DNM3: variants seen among roughly 807,000 people sequenced by gnomAD.
The protein encoded by DNM3 is dynamin-3.
DNM3 carries 47 observed loss-of-function variants against 101.6 expected under a neutral mutation model. The ratio of observed to expected loss-of-function variants is 0.46; its 90% confidence interval spans 0.37 to 0.59. The LOEUF is 0.59. Ranked by LOEUF, DNM3 falls within the 20% of genes least tolerant of loss-of-function variation. DNM3 has a pLI of 0.00. For synonymous variants in DNM3, 385 were observed against 387.9 expected, an observed-to-expected ratio of 0.99 and a Z score of 0.09; for missense variants, 849 against 1,085.7, an observed-to-expected ratio of 0.78 and a Z score of 3.06.
intron 13 of DNM3, among the ~76,000 whole-genome samples, chr1:172,096,689 A>T (rs551507839): frequency 1.3e-5 from 2 of 152,290 alleles, no homozygotes; most frequent in South Asian, 2.1e-4. Context: ...TCACCGTGGG[A>T]GTTTGAAGTA....
chr1:172,174,723 G>A (rs1389630925), intron 14 of DNM3, among the ~76,000 whole-genome samples: 3 of 151,644 alleles, frequency 2.0e-5, no homozygotes. Context: ...CCTATGAATG[G>A]TATGTAGACT....
intron 9 of DNM3, among the ~76,000 whole-genome samples, chr1:172,047,452 T>C (rs1188294946): frequency 6.6e-6 from 1 of 151,960 alleles, no homozygotes; most frequent in Non-Finnish European, 1.5e-5. Flanking sequence ...CAGGGTAAAA[T>C]GAACATCATA....
At chr1:172,259,546 G>A (rs1473847487) in intron 15 of DNM3, among the ~76,000 whole-genome samples, 1 of 151,984 alleles carries the variant, frequency 6.6e-6, no homozygotes, top group East Asian at 1.9e-4. Context: ...TGTTTTATCT[G>A]TTGTAAGTAT....
intron 1 of DNM3, among the ~76,000 whole-genome samples, chr1:171,895,890 T>C (rs1276211694): frequency 6.6e-6 from 1 of 152,234 alleles, no homozygotes; most frequent in African/African-American, 2.4e-5. Flanking sequence ...ATTTATTAAA[T>C]AGGGAATCCT....
chr1:172,207,366 G>T (rs949511050), intron 14 of DNM3, among the ~76,000 whole-genome samples: 2 of 152,076 alleles, frequency 1.3e-5, no homozygotes, highest in South Asian at 4.1e-4. Context: ...GTCATTTTAG[G>T]TAACTCCACC....
intron 1 of DNM3, among the ~76,000 whole-genome samples, chr1:171,861,372 C>G (rs990450579): frequency 1.3e-5 from 2 of 152,112 alleles, no homozygotes. Flanking sequence ...CAGTGTAATA[C>G]TGGTGTAAAT....
At chr1:172,247,659 A>ACTTATTTATTTC (rs55871147) in intron 14 of DNM3, among the ~76,000 whole-genome samples, 2 of 118,016 alleles carry the variant, frequency 1.7e-5, no homozygotes, top group Non-Finnish European at 3.7e-5. Flanking sequence ...ATTATTTCTT[A>ACTTATTTATTTC]TTTATTTATT....
chr1:172,350,202 C>A (rs544568077), intron 17 of DNM3, among the ~76,000 whole-genome samples: 1 of 152,204 alleles, frequency 6.6e-6, no homozygotes, highest in South Asian at 2.1e-4. Context: ...ATGAAAGTCA[C>A]CTTCTGGGTG....
chr1:172,283,780 A>AAAAGAAAAAAAAAAAAAG (rs2063588675), intron 15 of DNM3, among the ~76,000 whole-genome samples: 1 of 119,090 alleles, frequency 8.4e-6, no homozygotes, highest in African/African-American at 3.4e-5. Flanking sequence ...AAAAAAAAAA[A>AAAAGAAAAAAAAAAAAAG]AAAGAAAGAA....
intron 14 of DNM3, among the ~76,000 whole-genome samples, chr1:172,175,552 C>T (rs2209097): frequency 0.2 from 30,179 of 151,498 alleles, 4,415 homozygotes; most frequent in African/African-American, 0.41. Context: ...TGTTAGAAAT[C>T]CCATATTCTT....
intron 16 of DNM3, among the ~76,000 whole-genome samples, chr1:172,320,605 T>A (rs12075643): frequency 0.011 from 1,634 of 152,258 alleles, 29 homozygotes; most frequent in African/African-American, 0.036. Flanking sequence ...TTAAAATCAT[T>A]GTGTCCATGA....
intron 14 of DNM3, chr1:172,132,825 TA>T: frequency 1.4e-6 from 1 of 729,772 alleles, no homozygotes; most frequent in Non-Finnish European, 2.5e-6. Flanking sequence ...ATGAGAAAAC[TA>T]AAAATAAAAC....
intron 14 of DNM3, among the ~76,000 whole-genome samples, chr1:172,200,667 A>G (rs1030305686): frequency 6.6e-6 from 1 of 151,852 alleles, no homozygotes; most frequent in African/African-American, 2.4e-5. Context: ...TCAAGTTCTG[A>G]GATACTTTTC....
rs140003498 is a variant in DNM3 at position 171,920,508 on chromosome 1, G to A, written c.162-1240G>A. On this transcript the variant is annotated intron_variant, in intron 1 of 20. Transcript: ENST00000627582. ...TCTGTAGCTTCAGGATGAGTCCTGG[G>A]TGTCTGTGGTTATAATACTTTCTGA... is the stretch of plus-strand genomic sequence containing the variant. 3.4e-3 allele frequency among the ~76,000 whole-genome samples: 516 copies of A among 152,244 alleles called. 4 individuals are homozygous for A. Among genetic ancestry groups the A allele is most frequent in the African/African-American group, 0.012 (492 of 41,538 alleles).
intron 4 of DNM3, among the ~76,000 whole-genome samples, chr1:172,001,213 G>A (rs1042203556): frequency 8.6e-5 from 13 of 152,046 alleles, no homozygotes; most frequent in African/African-American, 3.1e-4. Flanking sequence ...TGATCGTATT[G>A]AGTTTATTTA....
intron 1 of DNM3, among the ~76,000 whole-genome samples, chr1:171,895,818 A>T (rs546810827): frequency 0.021 from 3,123 of 152,068 alleles, 79 homozygotes; most frequent in African/African-American, 0.071. Context: ...TTTTTGTATA[A>T]GATGTAAGGA....
chr1:172,170,186 T>C (rs1342726875), intron 14 of DNM3, among the ~76,000 whole-genome samples: 2 of 151,892 alleles, frequency 1.3e-5, no homozygotes, highest in Non-Finnish European at 2.9e-5. Flanking sequence ...TTCATATACA[T>C]TGAACTTTAA....
chr1:172,256,585 T>A (rs2062407824), intron 15 of DNM3, among the ~76,000 whole-genome samples: 1 of 152,048 alleles, frequency 6.6e-6, no homozygotes, highest in Admixed American at 6.6e-5. Flanking sequence ...TTTTTTATGA[T>A]CACTCTTGCT....
intron 10 of DNM3, among the ~76,000 whole-genome samples, chr1:172,058,553 C>T (rs1409066966): frequency 6.6e-6 from 1 of 152,022 alleles, no homozygotes; most frequent in Admixed American, 6.6e-5. Context: ...ACTGAAAACC[C>T]CTCAACTACA....
Sources: gnomAD v4.1 joint callset for allele counts (sites outside exome capture counted in the v4.1 genomes callset) on GRCh38, gnomAD v4.1.1 for gene constraint, MANE v1.5 for transcripts, NCBI Gene and HGNC (gene_info 2026-07-23, HGNC 2026-07-21) for gene names.